CTNNA3: variants seen among roughly 807,000 people sequenced by gnomAD.
CTNNA3 encodes the protein catenin alpha 3, also known as catenin alpha-3.
A neutral mutation model predicts 95.7 loss-of-function variants in CTNNA3; 76 were observed. The observed-to-expected ratio is 0.79, with a 90% CI of 0.66 to 0.96. The LOEUF (loss-of-function observed/expected upper bound fraction) is 0.96, where lower values mean the gene tolerates loss of function less well. CTNNA3 is among the 40% of genes least tolerant of loss of function. The pLI, the probability that CTNNA3 is intolerant of heterozygous loss-of-function variation, is 0.00. For missense variants in CTNNA3, 1,191 were observed against 1,089.8 expected (o/e 1.09, Z -1.31); for synonymous variants, 431 against 374.4 (o/e 1.15, Z -1.74).
intron 16 of CTNNA3, among the ~76,000 whole-genome samples, chr10:65,973,358 C>G (rs1278208975): frequency 1.3e-5 from 2 of 152,044 alleles, no homozygotes; most frequent in African/African-American, 2.4e-5. Flanking sequence ...AGTGGAATCT[C>G]TAATTAAAGA....
chr10:67,585,777 C>G (rs902658664), intron 3 of CTNNA3, among the ~76,000 whole-genome samples: 1 of 151,906 alleles, frequency 6.6e-6, no homozygotes, highest in African/African-American at 2.4e-5. Context: ...AAAAAACCAA[C>G]CTTTTGTTTT....
intron 9 of CTNNA3, among the ~76,000 whole-genome samples, chr10:66,708,358 T>C (rs1412160804): frequency 6.6e-6 from 1 of 152,064 alleles, no homozygotes; most frequent in Non-Finnish European, 1.5e-5. Flanking sequence ...TTGTCTTTGC[T>C]TGCGGGTGGC....
chr10:67,148,961 T>A (rs1026914298), intron 7 of CTNNA3, among the ~76,000 whole-genome samples: 2 of 152,204 alleles, frequency 1.3e-5, no homozygotes, highest in African/African-American at 4.8e-5. Flanking sequence ...TTAAATCTAA[T>A]CTTCAAAGTA....
chr10:66,107,803 A>C (rs1288571026), intron 13 of CTNNA3, among the ~76,000 whole-genome samples: 2 of 152,200 alleles, frequency 1.3e-5, no homozygotes, highest in East Asian at 3.9e-4. Flanking sequence ...CTAAATTTTA[A>C]AGAAGAGAGA....
chr10:67,438,021 T>C (rs1846365015), intron 5 of CTNNA3, among the ~76,000 whole-genome samples: 1 of 150,874 alleles, frequency 6.6e-6, no homozygotes, highest in African/African-American at 2.4e-5. Context: ...AAATAAAAGA[T>C]TTAAACTTGC....
At chr10:66,734,509 G>A (rs1411291869) in intron 9 of CTNNA3, among the ~76,000 whole-genome samples, 11 of 152,010 alleles carry the variant, frequency 7.2e-5, no homozygotes, top group Non-Finnish European at 1.6e-4. Context: ...TACATTTAAA[G>A]CCAGAAATGA....
chr10:66,906,706 G>T (rs537358813), intron 7 of CTNNA3, among the ~76,000 whole-genome samples: 1 of 151,930 alleles, frequency 6.6e-6, no homozygotes, highest in African/African-American at 2.4e-5. Context: ...TATTTGATTC[G>T]AAGTCATCAA....
At chr10:66,469,097 AG>A (rs1839035342) in intron 11 of CTNNA3, among the ~76,000 whole-genome samples, 1 of 152,020 alleles carries the variant, frequency 6.6e-6, no homozygotes, top group Non-Finnish European at 1.5e-5. Context: ...TTTATTAAAT[AG>A]TTTGTGCCAG....
intron 7 of CTNNA3, among the ~76,000 whole-genome samples, chr10:66,829,854 TTTG>T (rs59424993): frequency 6.7e-6 from 1 of 148,366 alleles, no homozygotes; most frequent in African/African-American, 2.5e-5. Flanking sequence ...CCCCAGGGGA[TTTG>T]TTGTTGTTGT....
intron 8 of CTNNA3, among the ~76,000 whole-genome samples, chr10:66,767,456 CA>C (rs5785782): frequency 1.5e-4 from 21 of 140,664 alleles, no homozygotes; most frequent in Admixed American, 2.9e-4. Flanking sequence ...CTCCCCCCGA[CA>C]AAAAAAAAAA....
At chr10:65,983,124 G>T (rs896334848) in intron 16 of CTNNA3, among the ~76,000 whole-genome samples, 5 of 151,520 alleles carry the variant, frequency 3.3e-5, no homozygotes, top group African/African-American at 1.2e-4. Context: ...ATTAGAATTA[G>T]CTGCCAATGT....
chr10:66,761,406 A>G (rs905092384), intron 9 of CTNNA3, among the ~76,000 whole-genome samples: 1 of 152,178 alleles, frequency 6.6e-6, no homozygotes, highest in Non-Finnish European at 1.5e-5. Flanking sequence ...GGCTTTCCAC[A>G]TAGAGAAAAT....
At chr10:65,973,113 T>C (rs1006722760) in intron 16 of CTNNA3, among the ~76,000 whole-genome samples, 1 of 152,106 alleles carries the variant, frequency 6.6e-6, no homozygotes, top group Non-Finnish European at 1.5e-5. Context: ...TGACTCCCTA[T>C]TCAGTATCTG....
chr10:66,670,342 A>G (rs1446432723), intron 9 of CTNNA3, among the ~76,000 whole-genome samples: 1 of 152,174 alleles, frequency 6.6e-6, no homozygotes, highest in African/African-American at 2.4e-5. Context: ...GTCTGAGCAA[A>G]GAAAGTACTT....
intron 11 of CTNNA3, among the ~76,000 whole-genome samples, chr10:66,507,476 AT>A (rs1383261783): frequency 1.3e-5 from 2 of 151,626 alleles, no homozygotes; most frequent in Non-Finnish European, 2.9e-5. Context: ...CTTTATATGC[AT>A]TGACCAACCT....
intron 17 of CTNNA3, among the ~76,000 whole-genome samples, chr10:65,931,193 A>C (rs1436339958): frequency 6.6e-6 from 1 of 152,204 alleles, no homozygotes; most frequent in Admixed American, 6.5e-5. Flanking sequence ...TATACTGAAA[A>C]GATGACTAGC....
At chr10:66,159,976 T>C (rs2084759283) in intron 13 of CTNNA3, among the ~76,000 whole-genome samples, 1 of 152,218 alleles carries the variant, frequency 6.6e-6, no homozygotes, top group Admixed American at 6.6e-5. Context: ...AAGATGTTCA[T>C]AGCAGCCTTG....
chr10:67,415,135 T>C (rs374545545), intron 5 of CTNNA3, among the ~76,000 whole-genome samples: 179 of 152,204 alleles, frequency 1.2e-3, no homozygotes, highest in African/African-American at 4.0e-3. Flanking sequence ...CTCTTCAACA[T>C]AGTACTGGAA....
intron 7 of CTNNA3, among the ~76,000 whole-genome samples, chr10:67,068,594 T>C (rs1200383578): frequency 6.6e-6 from 1 of 152,144 alleles, no homozygotes; most frequent in African/African-American, 2.4e-5. Context: ...TCTTATATTT[T>C]AGTAATTATC....
Sources: gnomAD v4.1 joint callset for allele counts (sites outside exome capture counted in the v4.1 genomes callset) on GRCh38, gnomAD v4.1.1 for gene constraint, MANE v1.5 for transcripts, NCBI Gene and HGNC (gene_info 2026-07-23, HGNC 2026-07-21) for gene names.